The following NAA35 variants were observed in gnomAD, a reference collection of about 807,000 sequenced individuals.
NAA35 encodes the protein MAK10 homolog, amino-acid N-acetyltransferase subunit.
NAA35 carries 18 observed loss-of-function variants against 101.7 expected under a neutral mutation model. The ratio of observed to expected loss-of-function variants is 0.18; its 90% CI spans 0.12 to 0.26. NAA35 has a LOEUF of 0.26. NAA35 is among the 10% of genes least tolerant of loss of function. The probability of loss-of-function intolerance (pLI) is 1.00; values close to 1 mark genes in which losing one functional copy is unlikely to be tolerated. For missense variants in NAA35, 601 were observed against 886.8 expected (o/e 0.68, Z 4.09); for synonymous variants, 267 against 273.1 (o/e 0.98, Z 0.22).
chr9:85,952,119 A>G (rs1829044788), intron 2 of NAA35, among the ~76,000 whole-genome samples: 1 of 152,204 alleles, frequency 6.6e-6, no homozygotes, highest in Non-Finnish European at 1.5e-5. Context: ...TTGAAAGCTC[A>G]AATTTTATTA....
rs373476615 is a variant in NAA35 at position 85,949,479 on chromosome 9, G to A, written c.125-6881G>A. 1.6e-3 allele frequency among the ~76,000 whole-genome samples: 244 copies of A among 151,938 alleles called. 1 individual carries two copies. The highest frequency in any genetic ancestry group is 3.7e-3 in the African/African-American group (155 of 41,460). On this transcript the variant is annotated intron_variant, in intron 2 of 22. Coordinates refer to ENST00000361671, the MANE Select transcript of NAA35 (RefSeq NM_024635.4). ...CCGGCTAATTTTTGTATTTTTAGTA[G>A]AGACGGGGTTTCACTGTGTTGGCTA... is the stretch of plus-strand genomic sequence containing the variant.
rs553514235 is a variant in NAA35 at position 85,970,692 on chromosome 9, C to G, written c.517-4275C>G. Among the ~76,000 whole-genome samples the G allele has an allele frequency of 1.3e-5, 2 of 152,166 alleles. 1 individual carries two copies. The highest frequency in any genetic ancestry group is 4.8e-5 in the African/African-American group (2 of 41,512). ...ACTACAAAGTACTATTCAAAATATA[C>G]TATTTTGAAGTACTGTTTGAAAAGA... On this transcript the variant is annotated intron_variant, in intron 6 of 22. Transcript: ENST00000361671.
chr9:86,019,880 T>A (rs1369425898), intron 21 of NAA35, among the ~76,000 whole-genome samples: 1 of 152,132 alleles, frequency 6.6e-6, no homozygotes, highest in Non-Finnish European at 1.5e-5. Context: ...TGCAGCAGGA[T>A]TTCTAATAGC....
chr9:85,977,273 C>T, intron 9 of NAA35, 90 bp from the exon 10 acceptor site: 1 of 899,552 alleles, frequency 1.1e-6, no homozygotes, highest in Non-Finnish European at 1.8e-6. Context: ...AAGTTATTAA[C>T]ATTGAGATTT....
chr9:86,014,112 T>G (rs1201760608), intron 17 of NAA35, among the ~76,000 whole-genome samples: 2 of 152,288 alleles, frequency 1.3e-5, no homozygotes, highest in South Asian at 2.1e-4. Context: ...ATGTAAAAAT[T>G]AACAAAAAAT....
At chr9:86,020,811 A>G in intron 21 of NAA35, 78 bp from the exon 22 acceptor site, 1 of 1,087,266 alleles carries the variant, frequency 9.2e-7, no homozygotes, top group Non-Finnish European at 1.4e-6. Flanking sequence ...GCCTGGGTTG[A>G]CAGCAGGTCT....
At position 85,974,532 on chromosome 9, in the gene NAA35, A is replaced by G. The variant is rs148920387; in HGVS notation, c.517-435A>G. 9.2e-5 allele frequency among the ~76,000 whole-genome samples: 14 copies of G among 152,276 alleles called. No homozygotes were observed. The East Asian group carries it at 1.2e-3, about 13-fold the overall frequency. On this transcript the variant is annotated intron_variant, in intron 6 of 22. Coordinates refer to ENST00000361671, the MANE Select transcript of NAA35 (RefSeq NM_024635.4). ...TCACTTTGAATAATTCTGTTTGAGA[A>G]ATCTTAACTGTGCAAGCAGTCACTT...
chr9:86,015,039 C>T (rs1430540082), intron 17 of NAA35, among the ~76,000 whole-genome samples: 2 of 152,172 alleles, frequency 1.3e-5, no homozygotes, highest in East Asian at 3.9e-4. Context: ...GGTGGGACTA[C>T]AGATGTGCAC....
At chr9:85,996,249 AT>A (rs1450100777) in intron 11 of NAA35, 149 bp from the exon 12 acceptor site, 6 of 533,016 alleles carry the variant, frequency 1.1e-5, no homozygotes, top group Non-Finnish European at 1.6e-5. Context: ...GTATAGATAT[AT>A]TCTAAATTAT....
At chr9:86,006,588 G>T (rs1448792236) in intron 13 of NAA35, among the ~76,000 whole-genome samples, 1 of 152,160 alleles carries the variant, frequency 6.6e-6, no homozygotes, top group Non-Finnish European at 1.5e-5. Flanking sequence ...TTCTGGAAAT[G>T]GCAAAACTGA....
At chr9:85,974,052 G>A (rs1043383096) in intron 6 of NAA35, among the ~76,000 whole-genome samples, 10 of 151,968 alleles carry the variant, frequency 6.6e-5, no homozygotes, top group South Asian at 2.1e-4. Flanking sequence ...CACCTCCTGC[G>A]TTCAAGTGAT....
At chr9:85,958,833 A>G (rs1370451329) in intron 4 of NAA35, among the ~76,000 whole-genome samples, 2 of 151,834 alleles carry the variant, frequency 1.3e-5, no homozygotes, top group Admixed American at 6.5e-5. Flanking sequence ...GCATTTGACT[A>G]TATATTCAAA....
At chr9:85,967,127 A>G (rs900109143) in intron 6 of NAA35, among the ~76,000 whole-genome samples, 1 of 152,196 alleles carries the variant, frequency 6.6e-6, no homozygotes, top group Non-Finnish European at 1.5e-5. Flanking sequence ...TGACAGAGTG[A>G]GAGTCCATCT....
chr9:86,016,631 A>T lies in NAA35; in HGVS notation c.1661A>T (p.Gln554Leu). 1 of 1,614,056 alleles carries T rather than the reference A, an allele frequency of 6.2e-7. No homozygotes were observed. Among genetic ancestry groups the T allele is most frequent in the South Asian group, 1.1e-5 (1 of 91,084 alleles). Residue 554 changes from glutamine to leucine, a missense_variant, in exon 18 of 23, where the codon CAG (glutamine) becomes CTG (leucine). Around this residue, in one of 8 missense-constraint regions of NAA35, gnomAD observed 99 missense variants for 206.7 expected, o/e 0.48. Transcript: ENST00000361671. The stretch of plus-strand genomic sequence containing the variant: ...GCAGAGGAAAGGATAATGGAAGAGC[A>T]GCAGAAAGGCCGTAGTAGTAAAAAA... ...QMAEERIMEEQQKGRSSKKTK... is the reference protein window; with the variant it reads ...QMAEERIMEELQKGRSSKKTK...
rs1481849782 is a variant in NAA35 at position 85,977,371 on chromosome 9, A to G, written c.687A>G (p.Gln229=). The part of the protein sequence containing the change: ...RDPEVELEHQ[Q]CLAVFSRVKF... Reference sequence around the variant, plus strand: ...CTTTCTTGTTTTTTTAGCACCAACAATGTTTAGCAGTATTCAGCAGAGTGA... The same window carrying G: ...CTTTCTTGTTTTTTTAGCACCAACAGTGTTTAGCAGTATTCAGCAGAGTGA... Residue 229 remains glutamine, a synonymous_variant, in exon 10 of 23, where the codon CAA becomes CAG. Transcript: ENST00000361671. The G allele has an allele frequency of 6.2e-7, 1 of 1,611,322 alleles. No homozygotes were observed. Among genetic ancestry groups the G allele is most frequent in the South Asian group, 1.1e-5 (1 of 91,002 alleles).
At chr9:85,985,964 A>AT (rs1218285961) in intron 11 of NAA35, among the ~76,000 whole-genome samples, 1 of 152,234 alleles carries the variant, frequency 6.6e-6, no homozygotes, top group Non-Finnish European at 1.5e-5. Context: ...AGAGGGAAGC[A>AT]TGAGGTTTAG....
At chr9:85,993,063 C>G (rs1398662913) in intron 11 of NAA35, among the ~76,000 whole-genome samples, 1 of 152,182 alleles carries the variant, frequency 6.6e-6, no homozygotes, top group Non-Finnish European at 1.5e-5. Flanking sequence ...GAATGAAATA[C>G]TGATACATGC....
chr9:86,006,505 A>G (rs142277311), intron 13 of NAA35, among the ~76,000 whole-genome samples: 6 of 152,348 alleles, frequency 3.9e-5, no homozygotes, highest in East Asian at 1.9e-4. Context: ...AACAATGCCA[A>G]TGAATCTCCA....
At chr9:85,966,498 A>C (rs1275584080) in intron 6 of NAA35, 1 of 506,114 alleles carries the variant, frequency 2.0e-6, no homozygotes, top group Non-Finnish European at 3.1e-6. Context: ...CACCTTTAAA[A>C]TTTAGCTTCA....
Sources: allele counts gnomAD v4.1 joint callset (sites outside exome capture counted in the v4.1 genomes callset), GRCh38; gene constraint gnomAD v4.1.1; regional missense constraint gnomAD v4.1.1; transcripts MANE v1.5; gene names NCBI Gene and HGNC (gene_info 2026-07-23, HGNC 2026-07-21).